ZFPM1: variants seen among roughly 807,000 people sequenced by gnomAD.
ZFPM1 encodes zinc finger protein, FOG family member 1, also known as zinc finger protein ZFPM1.
Under a neutral mutation model 46.3 loss-of-function variants are expected in ZFPM1, and 28 were observed. The ratio of observed to expected loss-of-function variants is 0.60; its 90% confidence interval spans 0.45 to 0.83. ZFPM1 has a LOEUF of 0.83. Among genes scored for constraint, ZFPM1 ranks in the 40% least tolerant of loss-of-function variants. The probability of loss-of-function intolerance (pLI) is 0.00; values close to 1 mark genes in which losing one functional copy is unlikely to be tolerated. For synonymous variants in ZFPM1, 957 were observed against 675.9 expected (o/e 1.42, Z -6.45); for missense variants, 1,878 against 1,432.4 (o/e 1.31, Z -5.02).
At position 88,536,044 on chromosome 16, in the gene ZFPM1, C is replaced by T. The variant is rs1318699083; in HGVS notation, c.*1065C>T. Reference sequence around the variant, plus strand: ...ACTCACGGCTCATTGCAGCCTTGACCTCGTGAGCTCAAGTGATCTTCCCAC... The same window carrying T: ...ACTCACGGCTCATTGCAGCCTTGACTTCGTGAGCTCAAGTGATCTTCCCAC... On this transcript the variant is annotated 3_prime_UTR_variant, in exon 10 of 10. Coordinates refer to ENST00000319555, the MANE Select transcript of ZFPM1 (RefSeq NM_153813.3). 1 of 152,124 alleles carries T rather than the reference C, an allele frequency of 6.6e-6. No individual in the cohort carries two copies. The highest frequency in any genetic ancestry group is 2.4e-5 in the African/African-American group (1 of 41,388). The allele number at this position is 152,124 out of a possible 1,614,324, so 9.4% of individuals were successfully genotyped here. A position where few individuals can be genotyped will look rare whatever the true frequency, so the allele number is the denominator to read the frequency against.
intron 2 of ZFPM1, among the ~76,000 whole-genome samples, chr16:88,488,717 G>C (rs911845356): frequency 6.6e-6 from 1 of 152,220 alleles, no homozygotes; most frequent in African/African-American, 2.4e-5. Flanking sequence ...GAGGGGACCA[G>C]GGAGCTGGCG....
chr16:88,484,156 C>T (rs1011839142), intron 1 of ZFPM1, among the ~76,000 whole-genome samples: 3 of 152,162 alleles, frequency 2.0e-5, no homozygotes, highest in Admixed American at 2.0e-4. Flanking sequence ...AGTGGGGATT[C>T]GGAGAGAAGC....
At chr16:88,529,833 G>C (rs1372325947) in intron 6 of ZFPM1, among the ~76,000 whole-genome samples, 1 of 152,248 alleles carries the variant, frequency 6.6e-6, no homozygotes, top group Non-Finnish European at 1.5e-5. Context: ...CAGCTGGCCA[G>C]AGGGGGATGG....
chr16:88,509,005 C>A (rs1040842381), intron 3 of ZFPM1, among the ~76,000 whole-genome samples: 1 of 151,878 alleles, frequency 6.6e-6, no homozygotes, highest in Non-Finnish European at 1.5e-5. Flanking sequence ...ACGCAGCTGA[C>A]CCCTGGCCAC....
rs796610114 is a variant in ZFPM1 at position 88,501,589 on chromosome 16, T to C, written c.268+12436T>C. ...GATGGAGATAGCGGGTGTGGGTGCA[T>C]GGGCTCTCCCGCAGGTACTGGTGAT... On this transcript the variant is annotated intron_variant, in intron 3 of 9. Coordinates refer to ENST00000319555, the MANE Select transcript of ZFPM1 (RefSeq NM_153813.3). 2.7e-4 allele frequency among the ~76,000 whole-genome samples: 17 copies of C among 62,596 alleles called. 1 individual carries two copies. Among genetic ancestry groups the C allele is most frequent in the Non-Finnish European group, 4.3e-4 (14 of 32,418 alleles). 41.1% of individuals were successfully genotyped at this position (62,596 alleles called of 152,430 possible). A position where few individuals can be genotyped will look rare whatever the true frequency, so the allele number is the denominator to read the frequency against.
intron 1 of ZFPM1, among the ~76,000 whole-genome samples, chr16:88,468,677 G>A (rs1277821222): frequency 1.3e-5 from 2 of 152,026 alleles, no homozygotes; most frequent in African/African-American, 2.4e-5. Context: ...GATACCCCCA[G>A]GGCCCCGCCC....
chr16:88,462,412 C>T (rs1907938680), intron 1 of ZFPM1, among the ~76,000 whole-genome samples: 1 of 152,268 alleles, frequency 6.6e-6, no homozygotes, highest in African/African-American at 2.4e-5. Context: ...GGGTTCTCCA[C>T]CCATTTCGCA....
At chr16:88,495,818 TC>T (rs970643103) in intron 3 of ZFPM1, among the ~76,000 whole-genome samples, 2 of 152,086 alleles carry the variant, frequency 1.3e-5, no homozygotes, top group Non-Finnish European at 2.9e-5. Context: ...AGGAGGCGTC[TC>T]GGGGCCTAGA....
chr16:88,486,031 C>G lies in ZFPM1; in HGVS notation c.133C>G (p.Pro45Ala). 6.2e-7 allele frequency: 1 copy of G among 1,612,016 alleles called. No homozygotes were observed. Among genetic ancestry groups the G allele is most frequent in the Non-Finnish European group, 8.5e-7 (1 of 1,179,668 alleles). The change falls in exon 2 of 10, where the codon CCT (proline) becomes GCT (alanine). Residue 45 changes from proline (P) to alanine (A), a missense_variant. Physicochemically the swap from Pro to Ala is conservative, Grantham distance 27 (BLOSUM62 -1). Transcript: ENST00000319555. ...GGCCACGGCACCTGAAGCCCCGAGC[C>G]CTCCCAGCGCAGGTGAGTCAGACTG... is the stretch of plus-strand genomic sequence containing the variant. ...QKATAPEAPS[P>A]PSADVNSPPP... is the part of the protein sequence containing the mutation.
intron 5 of ZFPM1, 44 bp from the exon 6 acceptor site, chr16:88,527,988 A>C (rs779969773): frequency 2.7e-6 from 4 of 1,486,718 alleles, no homozygotes; most frequent in Non-Finnish European, 2.7e-6. Context: ...GGGACAGGGA[A>C]GTGGGGCACA....
rs2142498544 is a variant in ZFPM1, at chr16:88,534,009, T to A, written c.2051T>A (p.Leu684Gln). ...DDAEDDPSRT[L>Q]CEACNIRFSR... ...GCGGAGGACGACCCCAGCCGCACGCTGTGCGAGGCCTGCAACATCCGCTTC... is the reference window on the plus strand; with the variant it reads ...GCGGAGGACGACCCCAGCCGCACGCAGTGCGAGGCCTGCAACATCCGCTTC... The change falls in exon 10 of 10, where the codon CTG (leucine) becomes CAG (glutamine). Residue 684 changes from leucine to glutamine, a missense_variant. Leu to Gln is a moderately radical substitution (Grantham distance 113). Coordinates refer to ENST00000319555, the MANE Select transcript of ZFPM1 (RefSeq NM_153813.3). The A allele has an allele frequency of 2.2e-6, 3 of 1,368,132 alleles. No homozygotes were observed. The highest frequency in any genetic ancestry group is 2.2e-5 in the Admixed American group (1 of 45,892). The allele number at this position is 1,368,132 out of a possible 1,614,324, so 84.7% of individuals were successfully genotyped here. A position where few individuals can be genotyped will look rare whatever the true frequency, so the allele number is the denominator to read the frequency against.
intron 1 of ZFPM1, among the ~76,000 whole-genome samples, chr16:88,457,913 G>A (rs1907629499): frequency 6.6e-6 from 1 of 152,186 alleles, no homozygotes. Context: ...CCAGCTCTGG[G>A]CCGATTGTGG....
At chr16:88,526,784 TC>T in intron 4 of ZFPM1, 29 bp from the exon 5 acceptor site, 1 of 1,491,698 alleles carries the variant, frequency 6.7e-7, no homozygotes, top group Non-Finnish European at 9.0e-7. Flanking sequence ...GACGGACCCC[TC>T]CCCACGTGTT....
intron 1 of ZFPM1, among the ~76,000 whole-genome samples, chr16:88,468,184 G>C (rs1474847864): frequency 8.5e-6 from 1 of 117,678 alleles, no homozygotes; most frequent in Non-Finnish European, 1.7e-5. Flanking sequence ...TGACGCACCC[G>C]CGAGCCCACC....
At position 88,534,950 on chromosome 16, in the gene ZFPM1, TCCTCGCACGCCG is replaced by T; in HGVS notation, c.2995_3006del (p.Ser999_Ala1002del). 6.6e-7 allele frequency: 1 copy of T among 1,517,776 alleles called. No homozygotes were observed. The highest frequency in any genetic ancestry group is 8.9e-7 in the Non-Finnish European group (1 of 1,128,216). 94.0% of individuals were successfully genotyped at this position (1,517,776 alleles called of 1,614,324 possible). ...CATCGCCCACAAGAAGTATTACTGC[TCCTCGCACGCCG>T]CCGAGCACGTGAAGTGAGCGCCCAC... On this transcript the variant is annotated inframe_deletion, in exon 10 of 10. Transcript: ENST00000319555.
intron 1 of ZFPM1, among the ~76,000 whole-genome samples, chr16:88,468,272 G>A (rs532179313): frequency 6.6e-6 from 1 of 152,044 alleles, no homozygotes; most frequent in Admixed American, 6.5e-5. Context: ...CGAGCCCACT[G>A]CCTGCGGCGC....
chr16:88,485,414 T>G (rs1597242119), intron 1 of ZFPM1, among the ~76,000 whole-genome samples: 1 of 145,968 alleles, frequency 6.9e-6, no homozygotes, highest in Non-Finnish European at 1.5e-5. Flanking sequence ...TTGCAGAGGG[T>G]GGGGGTTCGT....
chr16:88,528,004 C>A, intron 5 of ZFPM1, 28 bp from the exon 6 acceptor site: 1 of 1,515,628 alleles, frequency 6.6e-7, no homozygotes. Context: ...GCACAAAGTC[C>A]TAGGTTTGGA....
intron 1 of ZFPM1, among the ~76,000 whole-genome samples, chr16:88,481,265 C>T (rs1186896830): frequency 6.6e-6 from 1 of 152,204 alleles, no homozygotes; most frequent in Non-Finnish European, 1.5e-5. Flanking sequence ...GCCTTGGCCA[C>T]TGACCTCTGC....
Sources: gnomAD v4.1 joint callset for allele counts (sites outside exome capture counted in the v4.1 genomes callset) on GRCh38, gnomAD v4.1.1 for gene constraint, MANE v1.5 for transcripts, NCBI Gene and HGNC (gene_info 2026-07-23, HGNC 2026-07-21) for gene names.